SDK1: variants seen among roughly 807,000 people sequenced by gnomAD.
The protein encoded by SDK1 is protein sidekick-1.
A neutral mutation model predicts 245.5 loss-of-function variants in SDK1; 157 were observed. The observed-to-expected ratio is 0.64, with a 90% CI of 0.56 to 0.73. The LOEUF is 0.73. SDK1 is among the 30% of genes least tolerant of loss of function. SDK1 has a pLI of 0.00. For missense variants in SDK1, 3,583 were observed against 3,002.3 expected, an observed-to-expected ratio of 1.19 and a Z score of -4.52; for synonymous variants, 1,647 against 1,278.5, an observed-to-expected ratio of 1.29 and a Z score of -6.15.
At chr7:4,237,872 T>A (rs892420088) in intron 42 of SDK1, 88 bp downstream of exon 42, 9 of 1,450,312 alleles carry the variant, frequency 6.2e-6, no homozygotes, top group Non-Finnish European at 8.5e-6. Context: ...GCCGGGCCCG[T>A]GTCTGCTTTT....
intron 1 of SDK1, among the ~76,000 whole-genome samples, chr7:3,414,513 C>T (rs1237506643): frequency 2.6e-5 from 4 of 152,108 alleles, no homozygotes; most frequent in Admixed American, 1.3e-4. Context: ...ATCTATAGAT[C>T]TTCCTTGATC....
At chr7:3,353,604 C>G (rs760887931) in intron 1 of SDK1, among the ~76,000 whole-genome samples, 1 of 152,170 alleles carries the variant, frequency 6.6e-6, no homozygotes, top group Non-Finnish European at 1.5e-5. Flanking sequence ...CTGTAACTTA[C>G]CATTCCAGTC....
chr7:4,151,189 T>G (rs1179606491), intron 30 of SDK1, among the ~76,000 whole-genome samples: 3 of 152,156 alleles, frequency 2.0e-5, no homozygotes, highest in Non-Finnish European at 4.4e-5. Flanking sequence ...CGGGAACCCA[T>G]GCTGCGGCTC....
chr7:4,016,298 G>A (rs559944097), intron 16 of SDK1, among the ~76,000 whole-genome samples: 1 of 152,342 alleles, frequency 6.6e-6, no homozygotes, highest in African/African-American at 2.4e-5. Context: ...AGAAATTAGA[G>A]GCTTTTGGAA....
chr7:4,177,696 T>G (rs967838251), intron 34 of SDK1, among the ~76,000 whole-genome samples: 7 of 152,116 alleles, frequency 4.6e-5, no homozygotes, highest in Admixed American at 6.5e-5. Flanking sequence ...ATAGACCAGG[T>G]GGTAGGGGAT....
At chr7:3,613,991 CG>C (rs1781685123) in intron 1 of SDK1, among the ~76,000 whole-genome samples, 1 of 151,954 alleles carries the variant, frequency 6.6e-6, no homozygotes, top group Admixed American at 6.6e-5. Flanking sequence ...AGGATGAGAG[CG>C]GGGAGAGGAT....
chr7:4,245,376 G>C (rs936975700), intron 43 of SDK1, among the ~76,000 whole-genome samples: 1 of 152,028 alleles, frequency 6.6e-6, no homozygotes, highest in Non-Finnish European at 1.5e-5. Context: ...TATCTGTCCC[G>C]ACCTCAGGGT....
intron 16 of SDK1, among the ~76,000 whole-genome samples, chr7:4,014,818 G>A (rs1476772661): frequency 6.6e-6 from 1 of 152,178 alleles, no homozygotes; most frequent in Non-Finnish European, 1.5e-5. Context: ...CTGCACTTCC[G>A]TTATTGACTG....
chr7:4,139,567 GTA>G (rs1383456004), intron 28 of SDK1, among the ~76,000 whole-genome samples: 2 of 12,296 alleles, frequency 1.6e-4, no homozygotes, highest in African/African-American at 6.9e-4. Context: ...ATATATGTGT[GTA>G]TATGTGTGTG....
At chr7:3,671,830 A>AT (rs1368143520) in intron 4 of SDK1, among the ~76,000 whole-genome samples, 3 of 152,168 alleles carry the variant, frequency 2.0e-5, no homozygotes, top group Non-Finnish European at 1.5e-5. Flanking sequence ...CTTTGAAACC[A>AT]TTTTATAGTT....
intron 27 of SDK1, 144 bp from the exon 28 acceptor site, chr7:4,132,181 C>G (rs933496808): frequency 5.0e-6 from 3 of 605,868 alleles, no homozygotes; most frequent in Admixed American, 5.1e-5. Context: ...GTCATCAGTC[C>G]AAAACTTTAG....
intron 22 of SDK1, among the ~76,000 whole-genome samples, chr7:4,104,628 T>C (rs1782786166): frequency 3.3e-5 from 5 of 152,232 alleles, no homozygotes; most frequent in East Asian, 1.9e-4. Context: ...ACCATCTTAC[T>C]AGTTCCTCAT....
chr7:4,005,168 C>G (rs1357126528), intron 14 of SDK1, among the ~76,000 whole-genome samples: 1 of 150,718 alleles, frequency 6.6e-6, no homozygotes, highest in Non-Finnish European at 1.5e-5. Context: ...GCCTCAGCCT[C>G]CCAAGTAGCT....
intron 1 of SDK1, among the ~76,000 whole-genome samples, chr7:3,506,831 CTTG>C (rs1021859876): frequency 1.3e-5 from 2 of 150,606 alleles, no homozygotes; most frequent in African/African-American, 2.4e-5. Context: ...CATTACATGT[CTTG>C]TTTTTTTTTT....
At chr7:3,639,276 G>C (rs1386341574) in intron 3 of SDK1, among the ~76,000 whole-genome samples, 166 bp downstream of exon 3, 1 of 152,158 alleles carries the variant, frequency 6.6e-6, no homozygotes, top group Non-Finnish European at 1.5e-5. Context: ...AGCCAGCGTG[G>C]CTGGCCAGGT....
chr7:3,395,366 A>G, intron 1 of SDK1, among the ~76,000 whole-genome samples: 1 of 151,846 alleles, frequency 6.6e-6, no homozygotes. Context: ...AATTTGGTTC[A>G]CTAATATTTT....
chr7:3,617,240 G>T (rs981497630), intron 1 of SDK1, among the ~76,000 whole-genome samples: 1 of 152,182 alleles, frequency 6.6e-6, no homozygotes, highest in Non-Finnish European at 1.5e-5. Context: ...TCATTCAACA[G>T]ATATTTATTA....
At chr7:3,607,305 C>G (rs897868137) in intron 1 of SDK1, among the ~76,000 whole-genome samples, 14 of 152,182 alleles carry the variant, frequency 9.2e-5, no homozygotes, top group Non-Finnish European at 1.8e-4. Context: ...ACATAAATCA[C>G]TACAACTTCT....
intron 1 of SDK1, among the ~76,000 whole-genome samples, chr7:3,552,193 A>G (rs1322070843): frequency 6.6e-6 from 1 of 151,922 alleles, no homozygotes; most frequent in Non-Finnish European, 1.5e-5. Flanking sequence ...GCCCACCACC[A>G]AGCCTGGCTA....
Sources: allele counts gnomAD v4.1 joint callset (sites outside exome capture counted in the v4.1 genomes callset), GRCh38; gene constraint gnomAD v4.1.1; transcripts MANE v1.5; gene names NCBI Gene and HGNC (gene_info 2026-07-23, HGNC 2026-07-21).